MAP3K8: variants seen among roughly 807,000 people sequenced by gnomAD.
MAP3K8 encodes Ewing sarcoma transformant.
Under a neutral mutation model 45.8 loss-of-function variants are expected in MAP3K8, and 22 were observed. The ratio of observed to expected loss-of-function variants is 0.48; its 90% CI spans 0.34 to 0.69. The LOEUF (loss-of-function observed/expected upper bound fraction) is 0.69. Among genes scored for constraint, MAP3K8 ranks in the 30% least tolerant of loss-of-function variants. The pLI is 0.01. For synonymous variants in MAP3K8, 223 were observed against 214.3 expected (o/e 1.04, Z -0.36); for missense variants, 419 against 585.0 (o/e 0.72, Z 2.93).
intron 3 of MAP3K8, among the ~76,000 whole-genome samples, chr10:30,447,084 CTTCTAG>C (rs1836366535): frequency 6.6e-6 from 1 of 152,160 alleles, no homozygotes; most frequent in Admixed American, 6.6e-5. Context: ...AGTTTCAAAA[CTTCTAG>C]TTCTAAGAGT....
At chr10:30,444,377 C>T (rs765826841) in intron 3 of MAP3K8, among the ~76,000 whole-genome samples, 5 of 152,088 alleles carry the variant, frequency 3.3e-5, no homozygotes, top group Non-Finnish European at 5.9e-5. Context: ...ACAGGAGAAT[C>T]GCTTGAACTC....
intron 6 of MAP3K8, among the ~76,000 whole-genome samples, chr10:30,452,666 G>C (rs949102233): frequency 6.6e-6 from 1 of 151,276 alleles, no homozygotes; most frequent in African/African-American, 2.4e-5. Flanking sequence ...TCCACAGTTC[G>C]GCTTTATTTT....
chr10:30,436,054 T>C (rs1349402554), intron 1 of MAP3K8, among the ~76,000 whole-genome samples: 1 of 152,192 alleles, frequency 6.6e-6, no homozygotes, highest in Non-Finnish European at 1.5e-5. Context: ...AATAATTCAG[T>C]GTAACTAATT....
intron 3 of MAP3K8, among the ~76,000 whole-genome samples, chr10:30,442,413 A>G (rs909866204): frequency 1.3e-5 from 2 of 152,230 alleles, no homozygotes; most frequent in African/African-American, 4.8e-5. Context: ...GCAGAGGTCC[A>G]GAGACATGGA....
At chr10:30,436,149 T>C (rs1191146275) in intron 1 of MAP3K8, among the ~76,000 whole-genome samples, 1 of 152,234 alleles carries the variant, frequency 6.6e-6, no homozygotes, top group African/African-American at 2.4e-5. Flanking sequence ...ATGAGGACTT[T>C]TATTGTAAAC....
At chr10:30,437,028 ACCTGAATCACAAT>A (rs1425017905) in intron 1 of MAP3K8, 135 bp from the exon 2 acceptor site, 2 of 236,030 alleles carry the variant, frequency 8.5e-6, no homozygotes, top group African/African-American at 4.7e-5. Flanking sequence ...GACTCCAAGA[ACCTGAATCACAAT>A]CTCCCTCGAA....
At chr10:30,454,804 A>G (rs918431726) in intron 6 of MAP3K8, among the ~76,000 whole-genome samples, 3 of 151,866 alleles carry the variant, frequency 2.0e-5, no homozygotes, top group African/African-American at 7.3e-5. Context: ...ATACTTTACC[A>G]AAGTGTGAGG....
intron 3 of MAP3K8, 126 bp downstream of exon 3, chr10:30,439,400 C>A: frequency 1.4e-6 from 2 of 1,443,182 alleles, no homozygotes; most frequent in South Asian, 1.5e-5. Context: ...AAAATGTAAT[C>A]ATCAGTAAGA....
intron 1 of MAP3K8, chr10:30,434,850 G>T (rs1349464334): frequency 2.2e-6 from 2 of 903,246 alleles, no homozygotes; most frequent in Non-Finnish European, 1.3e-6. Context: ...GAACCAGGAG[G>T]AAAGGAGTGG....
In MAP3K8 at chr10:30,437,326, A is replaced by C; in HGVS notation, c.-104A>C. 1.0e-6 allele frequency: 1 copy of C among 985,194 alleles called. No individual in the cohort carries two copies. The highest frequency in any genetic ancestry group is 1.7e-5 in the African/African-American group (1 of 57,356). The allele number at this position is 985,194 out of a possible 1,614,324, so 61.0% of individuals were successfully genotyped here. A position where few individuals can be genotyped will look rare whatever the true frequency, so the allele number is the denominator to read the frequency against. On this transcript the variant is annotated 5_prime_UTR_variant, in exon 2 of 9. Coordinates refer to ENST00000263056, the MANE Select transcript of MAP3K8 (RefSeq NM_005204.4). Reference sequence around the variant, plus strand: ...CATACAAAGCAGCTAAAAATGACACAGCTTATTTACCATGCCCCTGACACT... The same window carrying C: ...CATACAAAGCAGCTAAAAATGACACCGCTTATTTACCATGCCCCTGACACT...
intron 3 of MAP3K8, among the ~76,000 whole-genome samples, chr10:30,442,103 C>A (rs759576208): frequency 1.3e-5 from 2 of 152,176 alleles, no homozygotes; most frequent in African/African-American, 4.8e-5. Context: ...ATCTGCAGTG[C>A]GTCGGGTGCT....
At chr10:30,435,454 C>A (rs1194084687) in intron 1 of MAP3K8, among the ~76,000 whole-genome samples, 1 of 152,144 alleles carries the variant, frequency 6.6e-6, no homozygotes, top group Admixed American at 6.5e-5. Flanking sequence ...ACGCCTGAAA[C>A]GCATAATCCG....
intron 3 of MAP3K8, among the ~76,000 whole-genome samples, chr10:30,444,803 C>T (rs1836256347): frequency 1.3e-5 from 2 of 152,298 alleles, no homozygotes; most frequent in East Asian, 3.9e-4. Flanking sequence ...CTTAGCTCAG[C>T]TTTAATTATG....
At chr10:30,452,417 C>T (rs995416875) in intron 6 of MAP3K8, among the ~76,000 whole-genome samples, 15 of 151,414 alleles carry the variant, frequency 9.9e-5, no homozygotes, top group Non-Finnish European at 1.8e-4. Context: ...TGAGGTGAGC[C>T]GAGATCGTGC....
At position 30,451,627 on chromosome 10, in the gene MAP3K8, T is replaced by C. The variant is rs776345267; in HGVS notation, c.767-11T>C. On this transcript the variant is annotated splice_polypyrimidine_tract_variant and intron_variant, in intron 5 of 8. Coordinates refer to ENST00000263056, the MANE Select transcript of MAP3K8 (RefSeq NM_005204.4). ...AAAATTTTATCTTAAAAATATTTCC[T>C]CTCATTTTAGCTAGCAACATTGTTT... 4 of 1,527,578 alleles carry C rather than the reference T, an allele frequency of 2.6e-6. No individual in the cohort carries two copies. The highest frequency in any genetic ancestry group is 3.6e-6 in the Non-Finnish European group (4 of 1,117,962). The allele number at this position is 1,527,578 out of a possible 1,614,324, so 94.6% of individuals were successfully genotyped here.
intron 4 of MAP3K8, among the ~76,000 whole-genome samples, chr10:30,449,907 C>G (rs911528605): frequency 2.6e-5 from 4 of 152,184 alleles, no homozygotes; most frequent in Non-Finnish European, 1.5e-5. Flanking sequence ...AAAATACAAC[C>G]TAAACTCAAG....
At chr10:30,440,722 T>C (rs749248990) in intron 3 of MAP3K8, among the ~76,000 whole-genome samples, 1 of 152,246 alleles carries the variant, frequency 6.6e-6, no homozygotes, top group Non-Finnish European at 1.5e-5. Context: ...CAAAGTTATA[T>C]ATATGTCTAT....
chr10:30,453,242 T>C (rs1836612426), intron 6 of MAP3K8, among the ~76,000 whole-genome samples: 1 of 152,076 alleles, frequency 6.6e-6, no homozygotes, highest in Admixed American at 6.6e-5. Context: ...AATTATAATA[T>C]TACATACATT....
chr10:30,451,013 A>G (rs1047727676), intron 5 of MAP3K8, among the ~76,000 whole-genome samples: 2 of 151,066 alleles, frequency 1.3e-5, no homozygotes, highest in African/African-American at 4.9e-5. Flanking sequence ...AATCATTTGA[A>G]TCTGGGAGGC....
Sources: gnomAD v4.1 joint callset for allele counts (sites outside exome capture counted in the v4.1 genomes callset) on GRCh38, gnomAD v4.1.1 for gene constraint, MANE v1.5 for transcripts, NCBI Gene and HGNC (gene_info 2026-07-23, HGNC 2026-07-21) for gene names.